The following LYPD6B variants were observed in gnomAD, a reference collection of about 807,000 sequenced individuals.
LYPD6B encodes the protein LY6/PLAUR domain containing 6B, also known as ly6/PLAUR domain-containing protein 6B.
Under a neutral mutation model 22.8 loss-of-function variants are expected in LYPD6B, and 17 were observed. The observed-to-expected ratio is 0.75, with a 90% CI of 0.51 to 1.12. The LOEUF (loss-of-function observed/expected upper bound fraction) is 1.12. Ranked by LOEUF, LYPD6B falls within the 50% of genes most tolerant of loss-of-function variation. LYPD6B has a pLI of 0.00. For missense variants in LYPD6B, 221 were observed against 258.3 expected (o/e 0.86, Z 0.99); for synonymous variants, 106 against 91.6 (o/e 1.16, Z -0.90).
At chr2:149,113,834 C>T (rs1686875626) in intron 1 of LYPD6B, among the ~76,000 whole-genome samples, 1 of 152,132 alleles carries the variant, frequency 6.6e-6, no homozygotes. Context: ...GAGTGAACTG[C>T]ATGGTTACTT....
intron 1 of LYPD6B, among the ~76,000 whole-genome samples, chr2:149,092,345 A>T (rs1256271250): frequency 6.6e-6 from 1 of 152,138 alleles, no homozygotes; most frequent in Non-Finnish European, 1.5e-5. Context: ...GAATGTGGTG[A>T]GAGTTGCCTT....
intron 1 of LYPD6B, among the ~76,000 whole-genome samples, chr2:149,075,798 A>G (rs989907428): frequency 6.6e-6 from 1 of 152,230 alleles, no homozygotes; most frequent in Admixed American, 6.5e-5. Flanking sequence ...TAAATGTCAT[A>G]TATTCTGAAA....
intron 2 of LYPD6B, among the ~76,000 whole-genome samples, chr2:149,142,665 T>A (rs933414367): frequency 2.0e-5 from 3 of 149,104 alleles, no homozygotes; most frequent in African/African-American, 7.4e-5. Flanking sequence ...CTCCTGTCTT[T>A]AAAAAAAAAA....
chr2:149,135,831 T>C (rs1688334895), intron 2 of LYPD6B, among the ~76,000 whole-genome samples: 1 of 150,734 alleles, frequency 6.6e-6, no homozygotes, highest in African/African-American at 2.4e-5. Flanking sequence ...CAATGAGAGA[T>C]ACTTTATTAA....
intron 3 of LYPD6B, among the ~76,000 whole-genome samples, chr2:149,182,985 G>T (rs60666978): frequency 0.025 from 3,779 of 152,252 alleles, 140 homozygotes; most frequent in African/African-American, 0.086. Context: ...GGATCACAGA[G>T]AAATATACCA....
intron 1 of LYPD6B, among the ~76,000 whole-genome samples, chr2:149,069,199 A>G (rs554716907): frequency 1.0e-3 from 147 of 143,122 alleles, no homozygotes; most frequent in African/African-American, 3.6e-3. Context: ...CCTTGGGAGA[A>G]CTTGATGGAG....
intron 3 of LYPD6B, among the ~76,000 whole-genome samples, chr2:149,179,096 T>A (rs1459927607): frequency 1.3e-5 from 2 of 152,076 alleles, no homozygotes; most frequent in Non-Finnish European, 2.9e-5. Flanking sequence ...AGGAGACGAG[T>A]GCATGCTGGC....
chr2:149,058,344 G>A (rs1008373667), intron 1 of LYPD6B, among the ~76,000 whole-genome samples: 7 of 152,208 alleles, frequency 4.6e-5, no homozygotes, highest in African/African-American at 1.4e-4. Flanking sequence ...TGAACAAAGT[G>A]AAAACTACTA....
chr2:149,106,418 T>C (rs1259269399), intron 1 of LYPD6B, among the ~76,000 whole-genome samples: 1 of 152,166 alleles, frequency 6.6e-6, no homozygotes, highest in Non-Finnish European at 1.5e-5. Flanking sequence ...GTTTTCTTCA[T>C]GGGAAGATTT....
intron 1 of LYPD6B, among the ~76,000 whole-genome samples, chr2:149,123,403 T>C (rs1472857469): frequency 6.6e-6 from 1 of 152,130 alleles, no homozygotes; most frequent in Non-Finnish European, 1.5e-5. Flanking sequence ...ACCCTAATAA[T>C]GATAATTAGA....
intron 3 of LYPD6B, among the ~76,000 whole-genome samples, chr2:149,174,945 G>C (rs751405966): frequency 5.3e-5 from 8 of 151,354 alleles, no homozygotes; most frequent in Non-Finnish European, 7.4e-5. Context: ...TAAGATAAGA[G>C]TTGGAAATAA....
intron 1 of LYPD6B, among the ~76,000 whole-genome samples, chr2:149,042,692 C>A (rs562846246): frequency 6.6e-6 from 1 of 151,992 alleles, no homozygotes; most frequent in Non-Finnish European, 1.5e-5. Flanking sequence ...TATGTTTTGT[C>A]TAATAAGTCA....
chr2:149,195,119 C>CA (rs1156640595), intron 3 of LYPD6B, among the ~76,000 whole-genome samples: 1 of 151,912 alleles, frequency 6.6e-6, no homozygotes, highest in African/African-American at 2.4e-5. Context: ...GGTGAAAAGT[C>CA]ATTTTTTTAA....
rs150001789 is a variant in LYPD6B, at chr2:149,171,390, G to A, written c.77+10555G>A. On this transcript the variant is annotated intron_variant, in intron 3 of 6. Coordinates refer to ENST00000409642, the MANE Select transcript of LYPD6B (RefSeq NM_177964.5). Reference sequence around the variant, plus strand: ...CAAATAACATATTTTATTACCTTTTGTGTAGACTTGATGTCTTTCTCTTCA... The same window carrying A: ...CAAATAACATATTTTATTACCTTTTATGTAGACTTGATGTCTTTCTCTTCA... 2.6e-5 allele frequency among the ~76,000 whole-genome samples: 4 copies of A among 152,024 alleles called. 1 individual carries two copies. The East Asian group carries it at 7.7e-4, about 29-fold the overall frequency.
In LYPD6B at chr2:149,214,619, C is replaced by T. The variant is rs1694079383; in HGVS notation, c.533C>T (p.Ala178Val). 5.0e-6 allele frequency: 8 copies of T among 1,613,742 alleles called. No homozygotes were observed. In the South Asian group the frequency reaches 7.7e-5, roughly 16 times the overall value. The change falls in exon 7 of 7, where the codon GCC becomes GTC. Residue 178 changes from alanine to valine, a missense_variant. Physicochemically the swap from Ala to Val is moderately conservative, Grantham distance 64 (BLOSUM62 0). Coordinates refer to ENST00000409642, the MANE Select transcript of LYPD6B (RefSeq NM_177964.5). ...ACCAATCACACTAATGCAGTGTTTG[C>T]CGTAATGCACGCTCAGAGAACATCT... The part of the protein sequence containing the change: ...LPTNHTNAVF[A>V]VMHAQRTSGS...
chr2:149,169,618 T>G (rs1327213698), intron 3 of LYPD6B, among the ~76,000 whole-genome samples: 1 of 150,926 alleles, frequency 6.6e-6, no homozygotes, highest in Admixed American at 6.6e-5. Context: ...CTCCTGAAAC[T>G]GAAGTTACAA....
rs568441859 is a variant in LYPD6B, at chr2:149,173,816, T to C, written c.77+12981T>C. ...CTTATCTGCACATTAATCTACACCT[T>C]TATTTATTAATTCAGAGATTTGTTT... On this transcript the variant is annotated intron_variant, in intron 3 of 6. Coordinates refer to ENST00000409642, the MANE Select transcript of LYPD6B (RefSeq NM_177964.5). Among the ~76,000 whole-genome samples, 4 of 152,338 alleles carry C rather than the reference T, an allele frequency of 2.6e-5. No homozygotes were observed. The East Asian group carries it at 7.7e-4, about 29-fold the overall frequency.
chr2:149,067,835 C>T (rs180843799), intron 1 of LYPD6B, among the ~76,000 whole-genome samples: 2 of 152,148 alleles, frequency 1.3e-5, no homozygotes, highest in South Asian at 2.1e-4. Flanking sequence ...TTACTACTCA[C>T]TGGTAGCATG....
chr2:149,206,424 T>A (rs1350218858), intron 4 of LYPD6B, among the ~76,000 whole-genome samples: 1 of 152,156 alleles, frequency 6.6e-6, no homozygotes, highest in Admixed American at 6.5e-5. Context: ...TACATATACT[T>A]ACATATACTA....
Sources: gnomAD v4.1 joint callset for allele counts (sites outside exome capture counted in the v4.1 genomes callset) on GRCh38, gnomAD v4.1.1 for gene constraint, MANE v1.5 for transcripts, NCBI Gene and HGNC (gene_info 2026-07-23, HGNC 2026-07-21) for gene names.